The following BBS9 variants were observed in gnomAD, a reference collection of about 807,000 sequenced individuals.
The protein encoded by BBS9 is protein PTHB1.
In BBS9, 89 loss-of-function variants were observed where a neutral mutation model predicts 117.7. The ratio of observed to expected loss-of-function variants is 0.76; its 90% CI spans 0.64 to 0.90. The LOEUF is 0.90. Among genes scored for constraint, BBS9 ranks in the 40% least tolerant of loss-of-function variants. BBS9 has a pLI of 0.00. For missense variants in BBS9, 982 were observed against 1,042.2 expected, an observed-to-expected ratio of 0.94 and a Z score of 0.80; for synonymous variants, 379 against 370.9, an observed-to-expected ratio of 1.02 and a Z score of -0.25.
intron 5 of BBS9, among the ~76,000 whole-genome samples, chr7:33,220,297 TA>T (rs1048682182): frequency 6.6e-6 from 1 of 152,086 alleles, no homozygotes; most frequent in Non-Finnish European, 1.5e-5. Flanking sequence ...ATGGCATAGT[TA>T]AAAAAAGGGA....
intron 19 of BBS9, among the ~76,000 whole-genome samples, chr7:33,491,818 T>C (rs1843942990): frequency 6.6e-6 from 1 of 152,216 alleles, no homozygotes; most frequent in Non-Finnish European, 1.5e-5. Context: ...TTATTGGGAT[T>C]GTATAAACTA....
intron 20 of BBS9, among the ~76,000 whole-genome samples, chr7:33,532,931 C>T (rs1850809425): frequency 6.6e-6 from 1 of 152,166 alleles, no homozygotes. Context: ...GCCCATGGTG[C>T]TCTAGGCCTT....
At chr7:33,508,734 C>A (rs1217203216) in intron 20 of BBS9, among the ~76,000 whole-genome samples, 1 of 152,206 alleles carries the variant, frequency 6.6e-6, no homozygotes, top group Non-Finnish European at 1.5e-5. Context: ...TCCTTCTGAG[C>A]ATGAGCCCCT....
intron 21 of BBS9, among the ~76,000 whole-genome samples, chr7:33,615,368 G>T (rs1055581900): frequency 6.6e-6 from 1 of 152,144 alleles, no homozygotes; most frequent in Admixed American, 6.6e-5. Context: ...CAGCATGCTA[G>T]AACAAATGGG....
At chr7:33,352,958 C>T in intron 15 of BBS9, 85 bp downstream of exon 15, 2 of 1,382,920 alleles carry the variant, frequency 1.4e-6, no homozygotes, top group Non-Finnish European at 2.0e-6. Flanking sequence ...TGAATGAACT[C>T]TTTTTATGGA....
intron 7 of BBS9, among the ~76,000 whole-genome samples, chr7:33,271,419 G>A (rs903113183): frequency 2.0e-5 from 3 of 152,084 alleles, no homozygotes; most frequent in Non-Finnish European, 4.4e-5. Context: ...CACACAGAGT[G>A]GCAAACTGGA....
At chr7:33,345,019 A>C (rs1032761583) in intron 12 of BBS9, among the ~76,000 whole-genome samples, 4 of 152,220 alleles carry the variant, frequency 2.6e-5, no homozygotes, top group African/African-American at 9.6e-5. Context: ...GTGAATTGAT[A>C]TTGGAGAAGC....
chr7:33,234,324 T>C (rs1562848942), intron 5 of BBS9, among the ~76,000 whole-genome samples: 1 of 152,040 alleles, frequency 6.6e-6, no homozygotes. Context: ...TATAATTTTT[T>C]CCCCCAGCTA....
chr7:33,296,870 G>C (rs901498132), intron 9 of BBS9, among the ~76,000 whole-genome samples: 7 of 152,094 alleles, frequency 4.6e-5, no homozygotes, highest in African/African-American at 1.7e-4. Flanking sequence ...TTGAATCTTA[G>C]GACCCAGTAC....
chr7:33,607,685 T>G (rs962013387), downstream of BBS9, among the ~76,000 whole-genome samples: 14 of 152,098 alleles, frequency 9.2e-5, no homozygotes, highest in Non-Finnish European at 1.5e-4. Context: ...TACAGTGAAT[T>G]AAAAGATAAT....
At chr7:33,344,372 G>T (rs1323335303) in intron 11 of BBS9, among the ~76,000 whole-genome samples, 1 of 152,046 alleles carries the variant, frequency 6.6e-6, no homozygotes, top group African/African-American at 2.4e-5. Context: ...CCCGGCCCAG[G>T]GGATGAGTTT....
At chr7:33,455,360 G>A (rs889674761) in intron 19 of BBS9, among the ~76,000 whole-genome samples, 5 of 152,146 alleles carry the variant, frequency 3.3e-5, no homozygotes, top group African/African-American at 1.2e-4. Flanking sequence ...GCGATTCTGG[G>A]CTACTGCTGT....
chr7:33,414,557 T>C (rs1056102731), intron 19 of BBS9, among the ~76,000 whole-genome samples: 5 of 152,176 alleles, frequency 3.3e-5, no homozygotes, highest in African/African-American at 9.6e-5. Context: ...GATCATCATA[T>C]AAAAATCTGT....
chr7:33,532,355 T>A (rs986187664), intron 20 of BBS9, among the ~76,000 whole-genome samples: 1 of 152,192 alleles, frequency 6.6e-6, no homozygotes, highest in Non-Finnish European at 1.5e-5. Context: ...TTTAGGAGTT[T>A]GTATTAGTCT....
At chr7:33,470,570 G>A (rs1040466289) in intron 19 of BBS9, among the ~76,000 whole-genome samples, 1 of 152,048 alleles carries the variant, frequency 6.6e-6, no homozygotes, top group African/African-American at 2.4e-5. Context: ...CGATGCCAAC[G>A]ATCAGTGATG....
chr7:33,226,283 G>A (rs1413155860), intron 5 of BBS9, among the ~76,000 whole-genome samples: 1 of 151,966 alleles, frequency 6.6e-6, no homozygotes, highest in Non-Finnish European at 1.5e-5. Context: ...ATTTTTAATG[G>A]CTTTTTGATC....
At chr7:33,362,485 G>A (rs748040635) in intron 16 of BBS9, among the ~76,000 whole-genome samples, 4 of 152,054 alleles carry the variant, frequency 2.6e-5, no homozygotes, top group Non-Finnish European at 5.9e-5. Flanking sequence ...TTGCATCTGG[G>A]TGTCTAATTG....
intron 11 of BBS9, among the ~76,000 whole-genome samples, chr7:33,343,981 C>T (rs1041103999): frequency 1.3e-5 from 2 of 151,204 alleles, no homozygotes; most frequent in Non-Finnish European, 2.9e-5. Context: ...ATATAAATAA[C>T]AAGTTAATAG....
At chr7:33,589,235 A>G (rs1563410659) in intron 21 of BBS9, among the ~76,000 whole-genome samples, 1 of 152,120 alleles carries the variant, frequency 6.6e-6, no homozygotes, top group African/African-American at 2.4e-5. Flanking sequence ...GTGTTTTCCT[A>G]TACAATAACA....
Sources: gnomAD v4.1 joint callset for allele counts (sites outside exome capture counted in the v4.1 genomes callset) on GRCh38, gnomAD v4.1.1 for gene constraint, MANE v1.5 for transcripts, NCBI Gene and HGNC (gene_info 2026-07-23, HGNC 2026-07-21) for gene names.